AMBP: variants seen among roughly 807,000 people sequenced by gnomAD.
AMBP encodes the protein alpha-1-microglobulin/bikunin precursor.
A neutral mutation model predicts 46.3 loss-of-function variants in AMBP; 37 were observed. The observed-to-expected ratio is 0.80, with a 90% CI of 0.61 to 1.05. AMBP has a LOEUF of 1.05. Ranked by LOEUF, AMBP falls within the 50% of genes least tolerant of loss-of-function variation. The pLI, the probability that AMBP is intolerant of heterozygous loss-of-function variation, is 0.00. For synonymous variants in AMBP, 174 were observed against 175.9 expected (o/e 0.99, Z 0.09); for missense variants, 475 against 461.2 (o/e 1.03, Z -0.27).
intron 6 of AMBP, among the ~76,000 whole-genome samples, chr9:114,067,898 GA>G (rs925099606): frequency 6.6e-6 from 1 of 152,164 alleles, no homozygotes; most frequent in African/African-American, 2.4e-5. Context: ...ACCTGGCAAA[GA>G]AATGGCACTA....
Position 114,061,041 on chromosome 9 carries a change from G to C in AMBP, c.911C>G (p.Ala304Gly). Residue 304 changes from alanine (A) to glycine (G), a missense_variant, in exon 9 of 10, where the codon GCA becomes GGA. By Grantham distance (60) the Ala-to-Gly change is moderately conservative. This residue lies in a region of AMBP where 293 missense variants were observed against 276.9 expected (regional missense o/e 1.06). Transcript: ENST00000265132. The stretch of plus-strand genomic sequence containing the variant: ...GCACTTCCCCTTGACAGCATCAAAT[G>C]CCCAGAGCTGGATGAAGGCTCGGCA... Reference protein sequence around the residue: ...GPCRAFIQLWAFDAVKGKCVL... With the variant: ...GPCRAFIQLWGFDAVKGKCVL... The C allele has an allele frequency of 1.2e-6, 2 of 1,614,234 alleles. No homozygotes were observed. Among genetic ancestry groups the C allele is most frequent in the Non-Finnish European group, 1.7e-6 (2 of 1,180,046 alleles).
At position 114,061,610 on chromosome 9, in the gene AMBP, G is replaced by C. The variant is rs967387710; in HGVS notation, c.686-19C>G. On this transcript the variant is annotated intron_variant, in intron 7 of 9. Coordinates refer to ENST00000265132, the MANE Select transcript of AMBP (RefSeq NM_001633.4). ...CAGGAATCTAGGGAGGGGCAGACCA[G>C]CAGCACTGACCAAGTGTTGACTGTG... 2.5e-6 allele frequency: 4 copies of C among 1,579,108 alleles called. No individual in the cohort carries two copies. The African/African-American group carries it at 5.4e-5, about 21-fold the overall frequency.
intron 6 of AMBP, among the ~76,000 whole-genome samples, chr9:114,069,244 A>G (rs990234824): frequency 2.6e-5 from 4 of 152,198 alleles, no homozygotes; most frequent in Non-Finnish European, 5.9e-5. Context: ...AGAAGGCAAC[A>G]TAGGAAAAGA....
rs746670089 is a variant in AMBP, at chr9:114,060,281, A to G, written c.1028-11T>C. 2.5e-6 allele frequency: 4 copies of G among 1,612,764 alleles called. No homozygotes were observed. The highest frequency in any genetic ancestry group is 3.3e-5 in the Admixed American group (2 of 59,874). The stretch of plus-strand genomic sequence containing the variant: ...GCAGCTCCTCATCACCTGTGGACAC[A>G]GAGAGACTCAGGGAGGGGTCCGTAG... On this transcript the variant is annotated splice_polypyrimidine_tract_variant and intron_variant, in intron 9 of 9. Coordinates refer to ENST00000265132, the MANE Select transcript of AMBP (RefSeq NM_001633.4).
chr9:114,075,980 G>C (rs1846802915), intron 2 of AMBP, among the ~76,000 whole-genome samples: 1 of 152,130 alleles, frequency 6.6e-6, no homozygotes, highest in African/African-American at 2.4e-5. Flanking sequence ...GTGTGTGGCA[G>C]GAGTTCTGGG....
At chr9:114,073,098 G>T in intron 4 of AMBP, 72 bp from the exon 5 acceptor site, 2 of 1,392,370 alleles carry the variant, frequency 1.4e-6, no homozygotes, top group Non-Finnish European at 2.0e-6. Flanking sequence ...AAATGATTTT[G>T]CCCAGTGATT....
Position 114,062,693 on chromosome 9 carries a change from T to C in AMBP, c.669A>G (p.Glu223=). ...EGSGGGQLVT[E]VTKKEDSCQL... Reference sequence around the variant, plus strand: ...GTTCATTACCTTCTTTCTTGGTGACTTCAGTTACCAGTTGCCCACCCCCTG... The same window carrying C: ...GTTCATTACCTTCTTTCTTGGTGACCTCAGTTACCAGTTGCCCACCCCCTG... The change falls in exon 7 of 10, where the codon GAA becomes GAG. Residue 223 remains glutamate (E), a synonymous_variant. Transcript: ENST00000265132. The C allele has an allele frequency of 1.2e-6, 2 of 1,613,880 alleles. No individual in the cohort carries two copies. The highest frequency in any genetic ancestry group is 4.5e-5 in the East Asian group (2 of 44,876).
chr9:114,062,584 G>A (rs1846651310), intron 7 of AMBP, 93 bp downstream of exon 7: 1 of 1,251,022 alleles, frequency 8.0e-7, no homozygotes, highest in South Asian at 1.2e-5. Flanking sequence ...CAGATAAAGA[G>A]ACTGCACTGA....
At chr9:114,073,183 A>C (rs1239300831) in intron 4 of AMBP, among the ~76,000 whole-genome samples, 157 bp from the exon 5 acceptor site, 1 of 152,216 alleles carries the variant, frequency 6.6e-6, no homozygotes, top group Non-Finnish European at 1.5e-5. Context: ...ACAGGCTCCC[A>C]AGAGGAAGAG....
intron 6 of AMBP, 114 bp downstream of exon 6, chr9:114,069,585 C>G: frequency 9.4e-7 from 1 of 1,060,990 alleles, no homozygotes; most frequent in Non-Finnish European, 1.4e-6. Context: ...GCTGCCTTCT[C>G]TCACCCCCTC....
intron 3 of AMBP, 53 bp from the exon 4 acceptor site, chr9:114,074,205 T>C: frequency 1.4e-6 from 2 of 1,441,258 alleles, no homozygotes; most frequent in South Asian, 2.3e-5. Flanking sequence ...TAGACTCTTC[T>C]AGCTGGAGGT....
intron 6 of AMBP, among the ~76,000 whole-genome samples, chr9:114,065,522 G>A (rs535221687): frequency 3.9e-5 from 6 of 152,274 alleles, no homozygotes; most frequent in East Asian, 1.9e-4. Context: ...CTGTGAGACA[G>A]CAAATCTGTG....
At chr9:114,067,509 C>T (rs1296131239) in intron 6 of AMBP, among the ~76,000 whole-genome samples, 1 of 152,090 alleles carries the variant, frequency 6.6e-6, no homozygotes, top group Non-Finnish European at 1.5e-5. Flanking sequence ...TTCTGCCTCA[C>T]CTTCCCAAAG....
Position 114,061,364 on chromosome 9 carries a change from T to G in AMBP, c.853+60A>C, listed in dbSNP as rs538877713. On this transcript the variant is annotated intron_variant, in intron 8 of 9. Transcript: ENST00000265132. The stretch of plus-strand genomic sequence containing the variant: ...GCTACCTTTTCAATTCGCAGGTGGT[T>G]TACTGGAGGGACAGGGTCTTGAGGG... 8.7e-6 allele frequency: 14 copies of G among 1,607,834 alleles called. No individual in the cohort carries two copies. In the East Asian group the frequency reaches 3.1e-4, roughly 36 times the overall value.
intron 9 of AMBP, 69 bp from the exon 10 acceptor site, chr9:114,060,339 C>T (rs545210746): frequency 1.8e-5 from 27 of 1,533,816 alleles, no homozygotes; most frequent in Admixed American, 1.7e-4. Context: ...AAGCAGCTGT[C>T]GCCTGGGGCC....
At chr9:114,068,542 G>T (rs954563187) in intron 6 of AMBP, among the ~76,000 whole-genome samples, 1 of 151,880 alleles carries the variant, frequency 6.6e-6, no homozygotes, top group African/African-American at 2.4e-5. Flanking sequence ...GGAGGCGGAG[G>T]TTGAAGTGAG....
At chr9:114,063,211 A>C (rs1846660231) in intron 6 of AMBP, among the ~76,000 whole-genome samples, 1 of 151,610 alleles carries the variant, frequency 6.6e-6, no homozygotes, top group Non-Finnish European at 1.5e-5. Flanking sequence ...GAGAGAAAGA[A>C]GGGACCCTGA....
chr9:114,073,724 C>G lies in AMBP; in HGVS notation c.454+312G>C, dbSNP rs112961186. Among the ~76,000 whole-genome samples the G allele has an allele frequency of 1.4e-3, 208 of 152,220 alleles. 1 individual carries two copies. The highest frequency in any genetic ancestry group is 4.7e-3 in the African/African-American group (196 of 41,528). ...ATATTGCCCAAGGTGGTCTCAAACT[C>G]CTGGCCTCAAGCAATCCTCTTGCCT... On this transcript the variant is annotated intron_variant, in intron 4 of 9. Transcript: ENST00000265132.
chr9:114,060,377 T>C, intron 9 of AMBP, 107 bp from the exon 10 acceptor site: 2 of 1,196,790 alleles, frequency 1.7e-6, no homozygotes, highest in South Asian at 2.7e-5. Flanking sequence ...GAATCATTTA[T>C]CTCCAAAGGG....
Sources: gnomAD v4.1 joint callset for allele counts (sites outside exome capture counted in the v4.1 genomes callset) on GRCh38, gnomAD v4.1.1 for gene constraint, gnomAD v4.1.1 regional missense constraint, MANE v1.5 for transcripts, NCBI Gene and HGNC (gene_info 2026-07-23, HGNC 2026-07-21) for gene names.